ACBD6: variants seen among roughly 807,000 people sequenced by gnomAD.
ACBD6 encodes the protein acyl-CoA-binding domain-containing protein 6.
Under a neutral mutation model 37.2 loss-of-function variants are expected in ACBD6, and 28 were observed. The observed-to-expected ratio is 0.75, with a 90% confidence interval of 0.56 to 1.03. The LOEUF (loss-of-function observed/expected upper bound fraction) is 1.03. Among genes scored for constraint, ACBD6 ranks in the 50% least tolerant of loss-of-function variants. The pLI is 0.00. For missense variants in ACBD6, 340 were observed against 337.4 expected (o/e 1.01, Z -0.06); for synonymous variants, 113 against 126.8 (o/e 0.89, Z 0.73).
intron 3 of ACBD6, among the ~76,000 whole-genome samples, chr1:180,449,107 C>A (rs1187226926): frequency 6.6e-6 from 1 of 152,060 alleles, no homozygotes; most frequent in East Asian, 1.9e-4. Flanking sequence ...ATTCTCTTTT[C>A]CATTATTTTT....
intron 7 of ACBD6, among the ~76,000 whole-genome samples, chr1:180,290,955 G>A (rs145100791): frequency 0.011 from 1,735 of 152,272 alleles, 26 homozygotes; most frequent in African/African-American, 0.039. Flanking sequence ...GGCAAGCACC[G>A]ATCTGATTTC....
rs151129855 is a variant in ACBD6, at chr1:180,495,531, T to C, written c.223-6A>G. 1.3e-4 allele frequency: 206 copies of C among 1,605,330 alleles called. 1 individual carries two copies. The African/African-American group carries it at 2.3e-3, about 18-fold the overall frequency. On this transcript the variant is annotated splice_region_variant and splice_polypyrimidine_tract_variant and intron_variant, in intron 1 of 7. Coordinates refer to ENST00000367595, the MANE Select transcript of ACBD6 (RefSeq NM_032360.4). ...TTACAATTTCCAACTTTGACCTAAA[T>C]GAGGGAAGGAAAATCAAGAACTTAT...
Position 180,405,107 on chromosome 1 carries a change from T to C in ACBD6, c.574-7502A>G, listed in dbSNP as rs543340649. Among the ~76,000 whole-genome samples the C allele has an allele frequency of 2.0e-5, 3 of 152,324 alleles. No individual in the cohort carries two copies. In the South Asian group the frequency reaches 6.2e-4, roughly 32 times the overall value. ...ATATACCCTGATATAGAAAGTGATTTAAGAGGATGCATTTTTTCTTCCTTC... is the reference window on the plus strand; with the variant it reads ...ATATACCCTGATATAGAAAGTGATTCAAGAGGATGCATTTTTTCTTCCTTC... On this transcript the variant is annotated intron_variant, in intron 5 of 7. Transcript: ENST00000367595.
intron 6 of ACBD6, among the ~76,000 whole-genome samples, chr1:180,351,810 G>C (rs1276113717): frequency 4.6e-5 from 7 of 152,086 alleles, no homozygotes; most frequent in Non-Finnish European, 1.0e-4. Flanking sequence ...CCACTTTCCA[G>C]AATTGAAAGC....
rs368337846 is a variant in ACBD6, at chr1:180,437,190, T to C, written c.385-6928A>G. Among the ~76,000 whole-genome samples, 3 of 152,292 alleles carry C rather than the reference T, an allele frequency of 2.0e-5. No individual in the cohort carries two copies. In the South Asian group the frequency reaches 6.2e-4, roughly 32 times the overall value. On this transcript the variant is annotated intron_variant, in intron 3 of 7. Transcript: ENST00000367595. ...ACATCCTTTATAATAAACTGGCAAA[T>C]GTGTTTCCCTGAGTTCTGTAAGCCA... is the stretch of plus-strand genomic sequence containing the variant.
intron 3 of ACBD6, among the ~76,000 whole-genome samples, chr1:180,455,849 G>A (rs1215865833): frequency 6.6e-6 from 1 of 152,098 alleles, no homozygotes; most frequent in Non-Finnish European, 1.5e-5. Flanking sequence ...ATCCATAAAG[G>A]AAATGTATTC....
At chr1:180,480,267 C>T (rs1650975806) in intron 3 of ACBD6, among the ~76,000 whole-genome samples, 1 of 115,984 alleles carries the variant, frequency 8.6e-6, no homozygotes, top group African/African-American at 2.5e-5. Flanking sequence ...AAGGAGAATA[C>T]AGGAGGCATT....
intron 3 of ACBD6, among the ~76,000 whole-genome samples, chr1:180,457,793 G>GCTTTT (rs372918235): frequency 1.5e-5 from 2 of 136,614 alleles, no homozygotes; most frequent in Non-Finnish European, 3.2e-5. Context: ...AAAATTAACT[G>GCTTTT]TTTTTTTTTT....
chr1:180,435,649 C>A, intron 3 of ACBD6: 1 of 999,798 alleles, frequency 1.0e-6, no homozygotes, highest in South Asian at 1.3e-5. Context: ...ATATGAATGA[C>A]GGGACAGAGT....
chr1:180,363,966 A>G (rs1426963313), intron 6 of ACBD6, among the ~76,000 whole-genome samples: 4 of 152,236 alleles, frequency 2.6e-5, no homozygotes, highest in East Asian at 1.9e-4. Flanking sequence ...AGAAAATTAA[A>G]AAGTATGAAC....
intron 3 of ACBD6, among the ~76,000 whole-genome samples, chr1:180,471,454 C>T (rs1184381828): frequency 1.5e-5 from 2 of 129,876 alleles, no homozygotes; most frequent in Non-Finnish European, 3.2e-5. Flanking sequence ...ATGAATTAGT[C>T]TGTTTTCATG....
At chr1:180,338,725 C>T (rs1281594326) in intron 6 of ACBD6, among the ~76,000 whole-genome samples, 4 of 152,142 alleles carry the variant, frequency 2.6e-5, no homozygotes, top group Non-Finnish European at 5.9e-5. Flanking sequence ...AAAGAAACTA[C>T]CACCAGAGTG....
At chr1:180,448,446 T>C (rs910643219) in intron 3 of ACBD6, among the ~76,000 whole-genome samples, 6 of 152,146 alleles carry the variant, frequency 3.9e-5, no homozygotes, top group Non-Finnish European at 7.4e-5. Context: ...TTTCATGAAG[T>C]GGTAAAAATT....
intron 6 of ACBD6, among the ~76,000 whole-genome samples, chr1:180,365,225 A>C (rs986043369): frequency 2.6e-5 from 4 of 152,190 alleles, no homozygotes; most frequent in Non-Finnish European, 5.9e-5. Context: ...GAAGAGTTCA[A>C]AGCCTGTCAA....
chr1:180,460,459 G>A (rs78681573), intron 3 of ACBD6, among the ~76,000 whole-genome samples: 14,600 of 152,100 alleles, frequency 0.096, 1,011 homozygotes, highest in East Asian at 0.36. Context: ...CCCTGATCCC[G>A]TTCCTCCTGG....
intron 6 of ACBD6, among the ~76,000 whole-genome samples, chr1:180,354,483 A>C (rs1217803905): frequency 1.3e-5 from 2 of 152,186 alleles, no homozygotes; most frequent in Admixed American, 1.3e-4. Context: ...GTTTAAAAAC[A>C]TGAAAAGATT....
Position 180,418,528 on chromosome 1 carries a change from A to T in ACBD6, c.468-5057T>A, listed in dbSNP as rs375517889. On this transcript the variant is annotated intron_variant, in intron 4 of 7. Transcript: ENST00000367595. ...CAGGAGTTTGAGGTTACAGTGAGCT[A>T]TAATCACACCACTCCAGCCTAGGCA... 2.6e-5 allele frequency among the ~76,000 whole-genome samples: 4 copies of T among 152,074 alleles called. No homozygotes were observed. In the East Asian group the frequency reaches 5.8e-4, roughly 22 times the overall value.
chr1:180,270,996 A>T (rs1290030113), exon 14 of ACBD6: 11 of 324,412 alleles, frequency 3.4e-5, no homozygotes, highest in Non-Finnish European at 4.8e-5. Context: ...CATGACTTCA[A>T]CCTGGCTGTT....
intron 3 of ACBD6, among the ~76,000 whole-genome samples, chr1:180,455,639 T>C (rs999247543): frequency 2.6e-5 from 4 of 152,304 alleles, no homozygotes; most frequent in African/African-American, 9.6e-5. Context: ...CTCTGTAGAA[T>C]TCATTCTCCA....
Sources: gnomAD v4.1 joint callset for allele counts (sites outside exome capture counted in the v4.1 genomes callset) on GRCh38, gnomAD v4.1.1 for gene constraint, MANE v1.5 for transcripts, NCBI Gene and HGNC (gene_info 2026-07-23, HGNC 2026-07-21) for gene names.